Variants in SNTB1 observed in about 807,000 individuals in gnomAD.
The protein encoded by SNTB1 is syntrophin beta 1, also known as beta-1-syntrophin.
SNTB1 carries 36 observed loss-of-function variants against 48.9 expected under a neutral mutation model. That is an observed-to-expected ratio of 0.74 (90% CI 0.56 to 0.97). The LOEUF is 0.97. SNTB1 is among the 50% of genes least tolerant of loss of function. SNTB1 has a pLI of 0.00. For synonymous variants in SNTB1, 299 were observed against 294.6 expected, an observed-to-expected ratio of 1.01 and a Z score of -0.15; for missense variants, 786 against 703.4, an observed-to-expected ratio of 1.12 and a Z score of -1.33.
At chr8:120,658,457 C>T (rs1817533176) in intron 2 of SNTB1, among the ~76,000 whole-genome samples, 1 of 152,156 alleles carries the variant, frequency 6.6e-6, no homozygotes, top group South Asian at 2.1e-4. Context: ...ATCATGGGTT[C>T]AGTTCCAGAC....
intron 3 of SNTB1, among the ~76,000 whole-genome samples, chr8:120,602,710 A>C (rs1010406935): frequency 6.6e-6 from 1 of 152,178 alleles, no homozygotes; most frequent in Non-Finnish European, 1.5e-5. Context: ...GATACACTAC[A>C]TAAACACAAT....
rs951792073 is a variant in SNTB1, at chr8:120,691,747, T to C, written c.788+1945A>G. Among the ~76,000 whole-genome samples the C allele has an allele frequency of 2.6e-5, 4 of 151,618 alleles. 1 individual carries two copies. Among genetic ancestry groups the C allele is most frequent in the African/African-American group, 9.7e-5 (4 of 41,226 alleles). On this transcript the variant is annotated intron_variant, in intron 2 of 6. Coordinates refer to ENST00000517992, the MANE Select transcript of SNTB1 (RefSeq NM_021021.4). The stretch of plus-strand genomic sequence containing the variant: ...AATTTATTTAAACACTTAGACTATT[T>C]AAAAAAAAACATATCTGTAGGCTGG...
intron 3 of SNTB1, among the ~76,000 whole-genome samples, chr8:120,610,756 A>G (rs896299788): frequency 1.3e-5 from 2 of 152,136 alleles, no homozygotes; most frequent in Non-Finnish European, 2.9e-5. Context: ...CTTGTTGGGA[A>G]GCTGCTGATC....
At chr8:120,673,827 G>T (rs75426245) in intron 2 of SNTB1, among the ~76,000 whole-genome samples, 1,766 of 152,232 alleles carry the variant, frequency 0.012, 35 homozygotes, top group African/African-American at 0.041. Context: ...TTCAGGACAA[G>T]CAGTTCTAAG....
intron 3 of SNTB1, among the ~76,000 whole-genome samples, chr8:120,603,458 T>G (rs1256160353): frequency 6.6e-6 from 1 of 152,212 alleles, no homozygotes; most frequent in Non-Finnish European, 1.5e-5. Flanking sequence ...TTTCTTTTTT[T>G]GACAAGAATT....
At chr8:120,608,561 C>A (rs1009825028) in intron 3 of SNTB1, among the ~76,000 whole-genome samples, 2 of 152,144 alleles carry the variant, frequency 1.3e-5, no homozygotes, top group Non-Finnish European at 2.9e-5. Flanking sequence ...AACAAACCAA[C>A]CCTGCTGGCA....
chr8:120,582,769 G>A (rs1816070614), intron 3 of SNTB1, among the ~76,000 whole-genome samples: 1 of 151,538 alleles, frequency 6.6e-6, no homozygotes. Flanking sequence ...GGGGATGGGG[G>A]ACAAGGGGAG....
intron 4 of SNTB1, 47 bp from the exon 5 acceptor site, chr8:120,549,005 T>G (rs753842832): frequency 6.1e-6 from 9 of 1,465,802 alleles, no homozygotes; most frequent in Admixed American, 2.2e-5. Context: ...GACTAGTTTA[T>G]TCACCTGGCA....
At chr8:120,712,456 A>G (rs1818479852) in intron 1 of SNTB1, among the ~76,000 whole-genome samples, 3 of 151,698 alleles carry the variant, frequency 2.0e-5, no homozygotes. Context: ...GACATTATTC[A>G]TATAGTGAAT....
chr8:120,616,868 G>A (rs1563832617), intron 3 of SNTB1, among the ~76,000 whole-genome samples: 1 of 152,218 alleles, frequency 6.6e-6, no homozygotes, highest in Non-Finnish European at 1.5e-5. Flanking sequence ...ACGAGGAGGT[G>A]CACACAACAT....
At chr8:120,749,785 C>T (rs1185231176) in intron 1 of SNTB1, among the ~76,000 whole-genome samples, 4 of 152,050 alleles carry the variant, frequency 2.6e-5, no homozygotes, top group Admixed American at 6.6e-5. Context: ...AACATTAGTA[C>T]GGAAAGGTCT....
intron 3 of SNTB1, among the ~76,000 whole-genome samples, chr8:120,592,435 T>C (rs58929354): frequency 0.2 from 30,515 of 152,022 alleles, 3,164 homozygotes; most frequent in Middle Eastern, 0.3. Flanking sequence ...GCAATCCTCC[T>C]ACCTCAGTCT....
intron 2 of SNTB1, among the ~76,000 whole-genome samples, chr8:120,633,909 T>C (rs1009298597): frequency 7.2e-5 from 11 of 152,134 alleles, no homozygotes; most frequent in African/African-American, 2.7e-4. Flanking sequence ...CTGACATAGG[T>C]ACAATGTGAA....
At chr8:120,802,768 A>G (rs34131072) in intron 1 of SNTB1, among the ~76,000 whole-genome samples, 17,508 of 152,066 alleles carry the variant, frequency 0.12, 1,448 homozygotes, top group African/African-American at 0.23. Flanking sequence ...GACATATTAT[A>G]TAATTTAGGA....
chr8:120,746,477 C>T (rs1819127682), intron 1 of SNTB1, among the ~76,000 whole-genome samples: 1 of 152,106 alleles, frequency 6.6e-6, no homozygotes, highest in Admixed American at 6.5e-5. Flanking sequence ...GCAGAGATTG[C>T]TGCCCCAAGC....
At chr8:120,637,168 TG>T (rs1415294439) in intron 2 of SNTB1, 1 of 315,758 alleles carries the variant, frequency 3.2e-6, no homozygotes. Context: ...TAAGCAAACA[TG>T]GGGGAGAGCA....
intron 3 of SNTB1, among the ~76,000 whole-genome samples, chr8:120,630,353 C>T (rs1035670506): frequency 1.3e-5 from 2 of 152,188 alleles, no homozygotes; most frequent in Non-Finnish European, 2.9e-5. Flanking sequence ...AGCTACAAGC[C>T]TCCCTAGTCT....
intron 2 of SNTB1, among the ~76,000 whole-genome samples, chr8:120,693,094 A>G (rs547406962): frequency 6.6e-6 from 1 of 152,292 alleles, no homozygotes; most frequent in East Asian, 1.9e-4. Context: ...AAGAAAGAGC[A>G]GGGAGGTATT....
intron 1 of SNTB1, among the ~76,000 whole-genome samples, chr8:120,700,248 A>G (rs1038181547): frequency 6.6e-6 from 1 of 151,418 alleles, no homozygotes; most frequent in African/African-American, 2.4e-5. Context: ...TTAAGAGGCT[A>G]TTGCCTGTAA....
Sources: allele counts gnomAD v4.1 joint callset (sites outside exome capture counted in the v4.1 genomes callset), GRCh38; gene constraint gnomAD v4.1.1; transcripts MANE v1.5; gene names NCBI Gene and HGNC (gene_info 2026-07-23, HGNC 2026-07-21).